Variants in ATG2B observed in about 807,000 individuals in gnomAD.
The protein encoded by ATG2B is autophagy related 2B.
Under a neutral mutation model 241.3 loss-of-function variants are expected in ATG2B, and 121 were observed. That is an observed-to-expected ratio of 0.50 (90% CI 0.43 to 0.58). The LOEUF (loss-of-function observed/expected upper bound fraction) is 0.58. Among genes scored for constraint, ATG2B ranks in the 20% least tolerant of loss-of-function variants. ATG2B has a pLI of 0.00. For synonymous variants in ATG2B, 858 were observed against 876.6 expected (o/e 0.98, Z 0.37); for missense variants, 2,306 against 2,491.6 (o/e 0.93, Z 1.59).
intron 1 of ATG2B, among the ~76,000 whole-genome samples, chr14:96,358,177 G>A (rs1185492383): frequency 6.6e-6 from 1 of 152,148 alleles, no homozygotes; most frequent in Non-Finnish European, 1.5e-5. Context: ...GCTCATGCCT[G>A]TAATTCCAGA....
At chr14:96,311,710 A>G (rs1298904814) in intron 26 of ATG2B, 92 bp from the exon 27 acceptor site, 2 of 786,648 alleles carry the variant, frequency 2.5e-6, no homozygotes, top group African/African-American at 3.5e-5. Flanking sequence ...TTCCTTTAAA[A>G]TTCATTGCAG....
chr14:96,335,664 G>C (rs1480072885), intron 6 of ATG2B, among the ~76,000 whole-genome samples: 1 of 152,114 alleles, frequency 6.6e-6, no homozygotes, highest in Non-Finnish European at 1.5e-5. Flanking sequence ...CCCTTGTTCT[G>C]CCCACAGACA....
intron 34 of ATG2B, among the ~76,000 whole-genome samples, chr14:96,296,596 C>G (rs188140340): frequency 6.6e-6 from 1 of 151,998 alleles, no homozygotes; most frequent in Non-Finnish European, 1.5e-5. Flanking sequence ...CCCGTCTCTA[C>G]TAAAAACACA....
chr14:96,354,397 C>T (rs1014298756), intron 1 of ATG2B, among the ~76,000 whole-genome samples: 2 of 152,192 alleles, frequency 1.3e-5, no homozygotes, highest in Non-Finnish European at 2.9e-5. Context: ...GTTCCTGCAT[C>T]AGTCTGCCAA....
chr14:96,317,789 A>C lies in ATG2B; in HGVS notation c.2946T>G (p.Ile982Met). 1.2e-6 allele frequency: 2 copies of C among 1,612,694 alleles called. No homozygotes were observed. The highest frequency in any genetic ancestry group is 2.2e-5 in the South Asian group (2 of 90,948). Reference sequence around the variant, plus strand: ...CTACTGAAAGCCCAATGCCATAGGAAATATTCTCGAATGTCTCCACTGGTG... The same window carrying C: ...CTACTGAAAGCCCAATGCCATAGGACATATTCTCGAATGTCTCCACTGGTG... ...APSPVETFEN[I>M]SYGIGLSVAS... Residue 982 changes from isoleucine (I) to methionine (M), a missense_variant, in exon 19 of 42, where the codon ATT (isoleucine) becomes ATG (methionine). Ile to Met is a conservative substitution (Grantham distance 10). Coordinates refer to ENST00000359933, the MANE Select transcript of ATG2B (RefSeq NM_018036.7).
chr14:96,326,966 A>G (rs1887602584), intron 14 of ATG2B, among the ~76,000 whole-genome samples: 1 of 152,180 alleles, frequency 6.6e-6, no homozygotes, highest in Non-Finnish European at 1.5e-5. Context: ...CCATCATCCA[A>G]TTGCATATAT....
chr14:96,344,294 G>A (rs961323592), intron 4 of ATG2B, among the ~76,000 whole-genome samples: 6 of 152,128 alleles, frequency 3.9e-5, no homozygotes, highest in African/African-American at 9.7e-5. Flanking sequence ...TGTCTTTCAC[G>A]TTAATGAAAT....
chr14:96,332,541 T>A lies in ATG2B; in HGVS notation c.1322A>T (p.Tyr441Phe). 2 of 1,611,092 alleles carry A rather than the reference T, an allele frequency of 1.2e-6. No homozygotes were observed. Among genetic ancestry groups the A allele is most frequent in the Non-Finnish European group, 1.7e-6 (2 of 1,178,974 alleles). The part of the protein sequence containing the change: ...MDLELSLTST[Y>F]TNTPAGSPLS... ...TGGAGATCCTGCTGGGGTATTTGTA[T>A]ATGTACTAGTTAATGATAACTCAAG... Residue 441 changes from tyrosine (Y) to phenylalanine (F), a missense_variant, in exon 9 of 42, where the codon TAT becomes TTT. Transcript: ENST00000359933.
chr14:96,351,058 T>TC (rs755456167), intron 1 of ATG2B, among the ~76,000 whole-genome samples: 33 of 152,208 alleles, frequency 2.2e-4, no homozygotes, highest in Non-Finnish European at 2.4e-4. Flanking sequence ...TCTTATACTT[T>TC]TTTTGGCATG....
rs1595290458 is a variant in ATG2B at position 96,289,557 on chromosome 14, A to G, written c.6006+99T>C. 2 of 1,424,514 alleles carry G rather than the reference A, an allele frequency of 1.4e-6. No homozygotes were observed. Among genetic ancestry groups the G allele is most frequent in the African/African-American group, 1.4e-5 (1 of 70,100 alleles). 88.2% of individuals were successfully genotyped at this position (1,424,514 alleles called of 1,614,324 possible). A position where few individuals can be genotyped will look rare whatever the true frequency, so the allele number is the denominator to read the frequency against. On this transcript the variant is annotated intron_variant, in intron 41 of 41. Transcript: ENST00000359933. The surrounding 1 kb of genome is among the most constrained non-coding windows in gnomAD (Gnocchi z 4.3). ...GGCAGTTGCCATTCTGCTCCCAGGGATTTCTACAGAATACATTTAAGCCAT... is the reference window on the plus strand; with the variant it reads ...GGCAGTTGCCATTCTGCTCCCAGGGGTTTCTACAGAATACATTTAAGCCAT...
rs181432824 is a variant in ATG2B at position 96,290,112 on chromosome 14, T to C, written c.5857-307A>G. The C allele has an allele frequency of 1.7e-3, 2,106 of 1,234,546 alleles. 3 individuals are homozygous for C. Among genetic ancestry groups the C allele is most frequent in the Non-Finnish European group, 2.1e-3 (2,050 of 979,322 alleles). 76.5% of individuals were successfully genotyped at this position (1,234,546 alleles called of 1,614,324 possible). A position where few individuals can be genotyped will look rare whatever the true frequency, so the allele number is the denominator to read the frequency against. On this transcript the variant is annotated intron_variant, in intron 40 of 41. Transcript: ENST00000359933. The surrounding 1 kb of genome is among the most constrained non-coding windows in gnomAD (Gnocchi z 4.4). ...TAATACTTACTAGAATGATCTTTAA[T>C]ACTTCTGTTTAATCTACAACGCCTT...
At chr14:96,304,423 G>T in intron 32 of ATG2B, 72 bp downstream of exon 32, 2 of 1,124,500 alleles carry the variant, frequency 1.8e-6, no homozygotes, top group Non-Finnish European at 2.7e-6. Context: ...AAGACTACGT[G>T]GTGGGGGATA....
At chr14:96,358,934 A>G (rs1369695983) in intron 1 of ATG2B, among the ~76,000 whole-genome samples, 1 of 152,202 alleles carries the variant, frequency 6.6e-6, no homozygotes, top group Non-Finnish European at 1.5e-5. Context: ...TCACGCATAT[A>G]AACAGAAAAA....
chr14:96,359,882 T>A (rs1888577973), intron 1 of ATG2B, among the ~76,000 whole-genome samples: 1 of 152,192 alleles, frequency 6.6e-6, no homozygotes, highest in South Asian at 2.1e-4. Context: ...AAATTTAGAT[T>A]GAAAAGTTGT....
Position 96,322,588 on chromosome 14 carries a change from T to C in ATG2B, c.2688A>G (p.Pro896=). The change falls in exon 17 of 42, where the codon CCA becomes CCG. Residue 896 remains proline, a synonymous_variant. Coordinates refer to ENST00000359933, the MANE Select transcript of ATG2B (RefSeq NM_018036.7). ...TACGAGAAGAAAAAGGAGATGGGGC[T>C]GGTCTTCTTAGATCACAAACATCTT... ...SLKDVCDLRR[P]APSPFSSRRV... is the part of the protein sequence containing the mutation. The C allele has an allele frequency of 1.2e-6, 2 of 1,613,576 alleles. No individual in the cohort carries two copies. Among genetic ancestry groups the C allele is most frequent in the Non-Finnish European group, 1.7e-6 (2 of 1,179,854 alleles).
intron 2 of ATG2B, 116 bp downstream of exon 2, chr14:96,347,063 A>T (rs1032049355): frequency 1.1e-6 from 1 of 894,062 alleles, no homozygotes; most frequent in Non-Finnish European, 1.6e-6. Context: ...GTAATGTATT[A>T]TCAACTGAAA....
At chr14:96,341,001 G>A (rs946720602) in intron 6 of ATG2B, among the ~76,000 whole-genome samples, 1 of 150,444 alleles carries the variant, frequency 6.6e-6, no homozygotes, top group Non-Finnish European at 1.5e-5. Flanking sequence ...TTAAAGCTAT[G>A]AGACAATGGA....
At chr14:96,292,453 T>G (rs1036288121) in intron 36 of ATG2B, among the ~76,000 whole-genome samples, 1 of 152,182 alleles carries the variant, frequency 6.6e-6, no homozygotes, top group Non-Finnish European at 1.5e-5. Context: ...TTCTTATATA[T>G]ATTCACAATT....
chr14:96,320,228 T>C (rs1887423811), intron 18 of ATG2B, among the ~76,000 whole-genome samples: 1 of 152,322 alleles, frequency 6.6e-6, no homozygotes, highest in South Asian at 2.1e-4. Flanking sequence ...GAACTGTTCC[T>C]ATCAGTGGAG....
Sources: gnomAD v4.1 joint callset for allele counts (sites outside exome capture counted in the v4.1 genomes callset) on GRCh38, gnomAD v4.1.1 for gene constraint, Gnocchi (gnomAD v3.1) non-coding constraint, MANE v1.5 for transcripts, NCBI Gene and HGNC (gene_info 2026-07-23, HGNC 2026-07-21) for gene names.